Variants in PPP2R2D observed in about 807,000 individuals in gnomAD.
PPP2R2D encodes serine/threonine-protein phosphatase 2A 55 kDa regulatory subunit B delta isoform.
A neutral mutation model predicts 31.1 loss-of-function variants in PPP2R2D; 9 were observed. That is an observed-to-expected ratio of 0.29 (90% CI 0.17 to 0.51). PPP2R2D has a LOEUF of 0.51. Among genes scored for constraint, PPP2R2D ranks in the 20% least tolerant of loss-of-function variants. The pLI is 0.98. For synonymous variants in PPP2R2D, 179 were observed against 172.6 expected, an observed-to-expected ratio of 1.04 and a Z score of -0.29; for missense variants, 391 against 465.6, an observed-to-expected ratio of 0.84 and a Z score of 1.48.
chr10:131,935,121 T>A (rs1483659242), intron 3 of PPP2R2D: 2 of 360,426 alleles, frequency 5.5e-6, no homozygotes, highest in Non-Finnish European at 1.1e-5. Flanking sequence ...AGCACTGGCT[T>A]CCCGGTCACG....
At chr10:131,954,793 G>T (rs374237926) in intron 8 of PPP2R2D, among the ~76,000 whole-genome samples, 5 of 152,210 alleles carry the variant, frequency 3.3e-5, no homozygotes, top group African/African-American at 9.7e-5. Flanking sequence ...CTCTCACCGC[G>T]CATGACCATG....
chr10:131,965,900 T>G, the PPP2R2D span, among the ~76,000 whole-genome samples: 731 of 152,376 alleles, frequency 4.8e-3, 6 homozygotes, highest in African/African-American at 0.017. Flanking sequence ...CCTTGGTGCA[T>G]GAGTGGCAAA....
At chr10:131,970,045 G>A in the PPP2R2D span, 3 of 152,652 alleles carry the variant, frequency 2.0e-5, no homozygotes, top group African/African-American at 7.2e-5. This position sits in a 1 kb window ranked among gnomAD's most constrained non-coding sequence, Gnocchi z 4.1. Flanking sequence ...CAGGCCTGGT[G>A]GTGGGCACCT....
At chr10:131,961,424 C>T (rs1329521391), downstream of PPP2R2D, among the ~76,000 whole-genome samples, 7 of 152,068 alleles carry the variant, frequency 4.6e-5, no homozygotes, top group African/African-American at 7.2e-5. Flanking sequence ...GGCAACCCCT[C>T]CTAAGTGCCT....
In PPP2R2D at chr10:131,958,081, G is replaced by A. The variant is rs28408631; in HGVS notation, c.*2118G>A. 0.22 allele frequency: 28,364 copies of A among 130,894 alleles called. 3,069 individuals carry two copies. Among genetic ancestry groups the A allele is most frequent in the East Asian group, 0.37 (1,248 of 3,380 alleles). 8.1% of individuals were successfully genotyped at this position (130,894 alleles called of 1,614,324 possible). ...CATCCCCATGTGGAGATGAAGGGGT[G>A]TGTTGATCCCCCGTCCCCCTGTGGA... On this transcript the variant is annotated 3_prime_UTR_variant, in exon 9 of 9. Transcript: ENST00000455566.
chr10:131,917,725 C>T (rs1284263610), intron 2 of PPP2R2D, among the ~76,000 whole-genome samples: 2 of 101,532 alleles, frequency 2.0e-5, no homozygotes, highest in East Asian at 8.5e-4. Flanking sequence ...AGTGTAGGGA[C>T]CTCACGTGGG....
At chr10:131,942,987 A>C (rs1043071876) in intron 5 of PPP2R2D, among the ~76,000 whole-genome samples, 1 of 152,178 alleles carries the variant, frequency 6.6e-6, no homozygotes, top group African/African-American at 2.4e-5. Flanking sequence ...GACTCAGTTG[A>C]GAGCTTTTCT....
rs2036809833 is a variant in PPP2R2D at position 131,956,956 on chromosome 10, T to G, written c.*993T>G. ...ATTACATGCATGCTAAATTTCATCC[T>G]GCATTTCAAGCCAGCAAAATTAAGC... On this transcript the variant is annotated 3_prime_UTR_variant, in exon 9 of 9. Coordinates refer to ENST00000455566, the MANE Select transcript of PPP2R2D (RefSeq NM_018461.5). 6.6e-6 allele frequency: 1 copy of G among 152,262 alleles called. No individual in the cohort carries two copies. Among genetic ancestry groups the G allele is most frequent in the Non-Finnish European group, 1.5e-5 (1 of 68,056 alleles). 9.4% of individuals were successfully genotyped at this position (152,262 alleles called of 1,614,324 possible).
chr10:131,918,640 CAG>C (rs2035881767), intron 2 of PPP2R2D, among the ~76,000 whole-genome samples: 1 of 146,264 alleles, frequency 6.8e-6, no homozygotes, highest in African/African-American at 2.6e-5. Flanking sequence ...TGGAATGACA[CAG>C]TGTTTGTAGG....
At chr10:131,931,965 G>A (rs1009375895) in intron 2 of PPP2R2D, among the ~76,000 whole-genome samples, 11 of 151,822 alleles carry the variant, frequency 7.2e-5, no homozygotes, top group Middle Eastern at 6.8e-3. Flanking sequence ...AAGACTTTCT[G>A]CATCTCTGTG....
chr10:131,940,928 G>A (rs1254451372), intron 5 of PPP2R2D: 2 of 414,832 alleles, frequency 4.8e-6, no homozygotes, highest in South Asian at 5.0e-5. Flanking sequence ...CAATACTAAG[G>A]GGAAAACTCA....
intron 5 of PPP2R2D, chr10:131,940,949 T>G (rs2036431066): frequency 5.7e-6 from 2 of 352,814 alleles, no homozygotes. Context: ...TATTTAATTC[T>G]ACAGCAGAAA....
intron 2 of PPP2R2D, among the ~76,000 whole-genome samples, chr10:131,925,743 T>C (rs1182820785): frequency 1.3e-5 from 2 of 152,124 alleles, no homozygotes; most frequent in Non-Finnish European, 2.9e-5. Context: ...AAATTAGGCA[T>C]GCGGATACAT....
chr10:131,961,153 G>C (rs782462652), downstream of PPP2R2D, among the ~76,000 whole-genome samples: 4 of 152,160 alleles, frequency 2.6e-5, no homozygotes, highest in Non-Finnish European at 4.4e-5. Flanking sequence ...CGCTGCCCGC[G>C]GCCGACGCTT....
At position 131,947,901 on chromosome 10, in the gene PPP2R2D, G is replaced by A. The variant is rs1477140012; in HGVS notation, c.1082+110G>A. The stretch of plus-strand genomic sequence containing the variant: ...CCAGCGTCAGAGGAGGACGCTCATA[G>A]GGTGTTGTTTTCCAGACCTTTTGAT... On this transcript the variant is annotated intron_variant, in intron 8 of 8. Coordinates refer to ENST00000455566, the MANE Select transcript of PPP2R2D (RefSeq NM_018461.5). This position sits in a 1 kb window ranked among gnomAD's most constrained non-coding sequence, Gnocchi z 4.3. The A allele has an allele frequency of 8.6e-6, 12 of 1,393,488 alleles. No individual in the cohort carries two copies. The highest frequency in any genetic ancestry group is 2.9e-6 in the Non-Finnish European group (3 of 1,022,006). 86.3% of individuals were successfully genotyped at this position (1,393,488 alleles called of 1,614,324 possible).
intron 5 of PPP2R2D, among the ~76,000 whole-genome samples, chr10:131,943,605 A>C (rs970520585): frequency 1.3e-5 from 2 of 152,112 alleles, no homozygotes; most frequent in African/African-American, 4.8e-5. Flanking sequence ...GGAGGGGTGC[A>C]GCTGAGCCAC....
rs189292528 is a variant in PPP2R2D, at chr10:131,956,063, C to T, written c.*100C>T. The T allele has an allele frequency of 3.1e-5, 40 of 1,299,218 alleles. No homozygotes were observed. Among genetic ancestry groups the T allele is most frequent in the African/African-American group, 2.7e-4 (18 of 65,916 alleles). 80.5% of individuals were successfully genotyped at this position (1,299,218 alleles called of 1,614,324 possible). On this transcript the variant is annotated 3_prime_UTR_variant, in exon 9 of 9. Coordinates refer to ENST00000455566, the MANE Select transcript of PPP2R2D (RefSeq NM_018461.5). ...TTGTCCGCTCCATTAAGAACAGTGA[C>T]GCACCTGCTACTTCCCTTCACAGAC...
At chr10:131,914,572 G>A (rs577524792) in intron 2 of PPP2R2D, among the ~76,000 whole-genome samples, 15 of 152,304 alleles carry the variant, frequency 9.8e-5, no homozygotes, top group African/African-American at 2.2e-4. Context: ...GTGATACAAC[G>A]TTGAAAACAC....
rs146277479 is a variant in PPP2R2D, at chr10:131,936,348, G to A, written c.198+1793G>A. ...ATTTTAGTAGCGATGGGGTTTCACC[G>A]TTGGCCAGGTTGGTCTTGAACTCCT... On this transcript the variant is annotated intron_variant, in intron 3 of 8. Coordinates refer to ENST00000455566, the MANE Select transcript of PPP2R2D (RefSeq NM_018461.5). 2.6e-3 allele frequency among the ~76,000 whole-genome samples: 390 copies of A among 152,010 alleles called. 2 individuals are homozygous for A. Among genetic ancestry groups the A allele is most frequent in the African/African-American group, 5.8e-3 (240 of 41,492 alleles).
Sources: allele counts gnomAD v4.1 joint callset (sites outside exome capture counted in the v4.1 genomes callset), GRCh38; gene constraint gnomAD v4.1.1; non-coding constraint Gnocchi (gnomAD v3.1); transcripts MANE v1.5; gene names NCBI Gene and HGNC (gene_info 2026-07-23, HGNC 2026-07-21).